PALM2AKAP2: variants seen among roughly 807,000 people sequenced by gnomAD.
PALM2AKAP2 encodes PALM2 and AKAP2 fusion.
In PALM2AKAP2, 37 loss-of-function variants were observed where a neutral mutation model predicts 71.5. That is an observed-to-expected ratio of 0.52 (90% CI 0.40 to 0.68). The LOEUF (loss-of-function observed/expected upper bound fraction) is 0.68. Among genes scored for constraint, PALM2AKAP2 ranks in the 30% least tolerant of loss-of-function variants. The probability of loss-of-function intolerance (pLI) is 0.00; values close to 1 mark genes in which losing one functional copy is unlikely to be tolerated. For missense variants in PALM2AKAP2, 1,224 were observed against 1,191.8 expected, an observed-to-expected ratio of 1.03 and a Z score of -0.40; for synonymous variants, 468 against 478.8, an observed-to-expected ratio of 0.98 and a Z score of 0.29.
chr9:110,054,878 G>A (rs1396671752), intron 1 of PALM2AKAP2, among the ~76,000 whole-genome samples: 2 of 152,348 alleles, frequency 1.3e-5, no homozygotes, highest in South Asian at 2.1e-4. Context: ...TAACAGGCAT[G>A]AGCCGCCATG....
chr9:109,829,307 A>T (rs908980270), intron 1 of PALM2AKAP2, among the ~76,000 whole-genome samples: 1 of 152,164 alleles, frequency 6.6e-6, no homozygotes, highest in Admixed American at 6.5e-5. Flanking sequence ...TTTGCATTCC[A>T]TCCAAGTATG....
intron 1 of PALM2AKAP2, among the ~76,000 whole-genome samples, chr9:109,844,907 C>T (rs1018285203): frequency 1.4e-5 from 2 of 145,838 alleles, no homozygotes; most frequent in African/African-American, 5.0e-5. Flanking sequence ...AGTCTTGTTC[C>T]CCCATAACAA....
At position 110,136,161 on chromosome 9, in the gene PALM2AKAP2, T is replaced by G. The variant is rs988580357; in HGVS notation, c.191T>G (p.Leu64Arg). 3.7e-6 allele frequency: 6 copies of G among 1,600,216 alleles called. No homozygotes were observed. In the African/African-American group the frequency reaches 8.1e-5, roughly 22 times the overall value. Residue 64 changes from leucine to arginine, a missense_variant, in exon 2 of 4, where the codon CTA becomes CGA. Transcript: ENST00000374525. Reference sequence around the variant, plus strand: ...CAGCTTTCTGAGGATGATATCTGGCTAAAAAGCGAGGGAGACAACTATAGT... The same window carrying G: ...CAGCTTTCTGAGGATGATATCTGGCGAAAAAGCGAGGGAGACAACTATAGT...
At chr9:109,894,306 T>A (rs1389878567) in intron 3 of PALM2AKAP2, among the ~76,000 whole-genome samples, 1 of 152,146 alleles carries the variant, frequency 6.6e-6, no homozygotes, top group Non-Finnish European at 1.5e-5. Context: ...ACCATTGCAC[T>A]CCAGCCTGGG....
chr9:109,878,979 C>T (rs908406872), intron 2 of PALM2AKAP2, among the ~76,000 whole-genome samples: 17 of 152,326 alleles, frequency 1.1e-4, no homozygotes, highest in East Asian at 1.9e-4. Context: ...TCAGGTGATA[C>T]GCCTGCCTTG....
intron 1 of PALM2AKAP2, among the ~76,000 whole-genome samples, chr9:109,695,633 G>A (rs747041077): frequency 7.2e-5 from 11 of 151,976 alleles, no homozygotes; most frequent in Admixed American, 1.3e-4. Context: ...CCACATGTCC[G>A]TCAATGAATG....
At chr9:110,116,497 A>T (rs1360720320) in intron 1 of PALM2AKAP2, among the ~76,000 whole-genome samples, 3 of 152,178 alleles carry the variant, frequency 2.0e-5, no homozygotes, top group Non-Finnish European at 4.4e-5. Flanking sequence ...ACAAAAAAAA[A>T]TGACTATTGC....
intron 1 of PALM2AKAP2, among the ~76,000 whole-genome samples, chr9:109,649,362 C>T (rs1338228470): frequency 6.6e-6 from 1 of 152,018 alleles, no homozygotes; most frequent in Non-Finnish European, 1.5e-5. Context: ...CTATGAGTTT[C>T]CTTACATTTA....
At chr9:109,928,480 T>G (rs1487579006) in intron 5 of PALM2AKAP2, among the ~76,000 whole-genome samples, 1 of 152,166 alleles carries the variant, frequency 6.6e-6, no homozygotes, top group African/African-American at 2.4e-5. Context: ...AGAGGGCAGC[T>G]TATTAATTGA....
intron 6 of PALM2AKAP2, among the ~76,000 whole-genome samples, chr9:109,949,547 A>G (rs771450571): frequency 2.6e-5 from 4 of 152,218 alleles, no homozygotes; most frequent in Non-Finnish European, 4.4e-5. Context: ...AACACCCTTG[A>G]CTGAGCTATT....
chr9:110,025,404 T>A (rs892206180), intron 7 of PALM2AKAP2: 1 of 747,858 alleles, frequency 1.3e-6, no homozygotes, highest in Non-Finnish European at 2.3e-6. Context: ...AAAGGCTTTT[T>A]TTTTTTTTGT....
At chr9:110,079,469 C>T (rs752135111) in intron 1 of PALM2AKAP2, among the ~76,000 whole-genome samples, 46 of 152,174 alleles carry the variant, frequency 3.0e-4, no homozygotes, top group Non-Finnish European at 1.0e-4. Context: ...GGACTCCAGC[C>T]TGGGCGACAG....
chr9:109,799,057 C>G (rs995205829), intron 1 of PALM2AKAP2, among the ~76,000 whole-genome samples: 3 of 152,218 alleles, frequency 2.0e-5, no homozygotes, highest in African/African-American at 7.2e-5. Flanking sequence ...CCAGTCCTAG[C>G]ACCTCCTAAC....
intron 1 of PALM2AKAP2, among the ~76,000 whole-genome samples, chr9:109,735,359 G>A (rs1828614637): frequency 6.6e-6 from 1 of 151,636 alleles, no homozygotes; most frequent in African/African-American, 2.4e-5. Flanking sequence ...CGCACACTTG[G>A]GATACATGCT....
intron 1 of PALM2AKAP2, among the ~76,000 whole-genome samples, chr9:110,119,212 G>A (rs907094595): frequency 4.6e-5 from 7 of 151,722 alleles, no homozygotes; most frequent in African/African-American, 1.5e-4. Flanking sequence ...GTGTGGTGGT[G>A]GGCGCCTGTA....
At chr9:109,688,225 G>T (rs752907396) in intron 1 of PALM2AKAP2, among the ~76,000 whole-genome samples, 5 of 152,214 alleles carry the variant, frequency 3.3e-5, no homozygotes, top group Non-Finnish European at 4.4e-5. Flanking sequence ...ATTCATCACA[G>T]GGTTGCTGCA....
At chr9:110,043,997 G>A (rs1214962122), upstream of PALM2AKAP2, among the ~76,000 whole-genome samples, 3 of 152,102 alleles carry the variant, frequency 2.0e-5, no homozygotes, top group African/African-American at 7.2e-5. Flanking sequence ...GGGATTACAG[G>A]TGTGAGCCAC....
At chr9:109,873,793 C>T (rs1170273009) in intron 2 of PALM2AKAP2, among the ~76,000 whole-genome samples, 4 of 152,148 alleles carry the variant, frequency 2.6e-5, no homozygotes, top group African/African-American at 9.7e-5. Flanking sequence ...CTTCCCCAAT[C>T]TGCCCCACCC....
intron 7 of PALM2AKAP2, among the ~76,000 whole-genome samples, chr9:110,021,968 G>A (rs968601717): frequency 2.8e-4 from 43 of 152,082 alleles, no homozygotes; most frequent in African/African-American, 1.0e-3. Context: ...ATGCAGTCTG[G>A]GGGTGGCAAT....
Sources: gnomAD v4.1 joint callset for allele counts (sites outside exome capture counted in the v4.1 genomes callset) on GRCh38, gnomAD v4.1.1 for gene constraint, MANE v1.5 for transcripts, NCBI Gene and HGNC (gene_info 2026-07-23, HGNC 2026-07-21) for gene names.